Variants in ZFPM2 observed in about 807,000 individuals in gnomAD.
The protein encoded by ZFPM2 is zinc finger protein, FOG family member 2, also known as zinc finger protein ZFPM2.
ZFPM2 carries 20 observed loss-of-function variants against 98.6 expected under a neutral mutation model. That is an observed-to-expected ratio of 0.20 (90% CI 0.14 to 0.29). The LOEUF (loss-of-function observed/expected upper bound fraction) is 0.29, where lower values mean the gene tolerates loss of function less well. Ranked by LOEUF, ZFPM2 falls within the 10% of genes least tolerant of loss-of-function variation. The pLI, the probability that ZFPM2 is intolerant of heterozygous loss-of-function variation, is 1.00. For missense variants in ZFPM2, 1,310 were observed against 1,388.6 expected (o/e 0.94, Z 0.90); for synonymous variants, 518 against 502.7 (o/e 1.03, Z -0.41).
At chr8:105,372,306 T>TAATCAC (rs1810639810) in intron 1 of ZFPM2, among the ~76,000 whole-genome samples, 1 of 152,022 alleles carries the variant, frequency 6.6e-6, no homozygotes, top group Non-Finnish European at 1.5e-5. Flanking sequence ...CCTCCCAAAG[T>TAATCAC]GCTGGGATTA....
chr8:105,406,126 T>C (rs867936195), intron 1 of ZFPM2, among the ~76,000 whole-genome samples: 74 of 152,276 alleles, frequency 4.9e-4, no homozygotes, highest in Middle Eastern at 6.8e-3. Context: ...TTGATGGGGT[T>C]GTTTTTTTCT....
intron 3 of ZFPM2, among the ~76,000 whole-genome samples, chr8:105,463,707 G>A (rs1812744612): frequency 6.6e-6 from 1 of 152,066 alleles, no homozygotes; most frequent in Non-Finnish European, 1.5e-5. Flanking sequence ...GCTTCTTAAT[G>A]AGAGAATGTG....
intron 3 of ZFPM2, among the ~76,000 whole-genome samples, chr8:105,522,640 C>T (rs1214989384): frequency 6.6e-6 from 1 of 151,972 alleles, no homozygotes; most frequent in Non-Finnish European, 1.5e-5. Flanking sequence ...CATGGTGGTA[C>T]ACACCTGTAA....
chr8:105,492,577 G>A (rs1285984489), intron 3 of ZFPM2, among the ~76,000 whole-genome samples: 2 of 152,102 alleles, frequency 1.3e-5, no homozygotes, highest in East Asian at 1.9e-4. Context: ...TACAACAAAG[G>A]TAAGAAGTAT....
chr8:105,351,879 G>C (rs1812653843), intron 1 of ZFPM2, among the ~76,000 whole-genome samples: 1 of 151,956 alleles, frequency 6.6e-6, no homozygotes, highest in South Asian at 2.1e-4. Context: ...TTAATCAATG[G>C]AGAAATTATT....
intron 5 of ZFPM2, among the ~76,000 whole-genome samples, chr8:105,656,233 G>C (rs1386430656): frequency 6.6e-6 from 1 of 152,066 alleles, no homozygotes; most frequent in Non-Finnish European, 1.5e-5. Context: ...ACAAGCAAGT[G>C]ATGAAACCCT....
intron 4 of ZFPM2, chr8:105,616,679 T>C: frequency 2.6e-6 from 1 of 391,556 alleles, no homozygotes; most frequent in South Asian, 2.0e-5. Flanking sequence ...ATAATAATAA[T>C]AATAAGGTAA....
chr8:105,554,989 T>A (rs1426450238), intron 3 of ZFPM2, among the ~76,000 whole-genome samples: 2 of 152,150 alleles, frequency 1.3e-5, no homozygotes, highest in Admixed American at 1.3e-4. Context: ...TAAGTATTTC[T>A]CTCCACCAGT....
chr8:105,634,258 C>G lies in ZFPM2; in HGVS notation c.433C>G (p.Gln145Glu). The G allele has an allele frequency of 6.2e-7, 1 of 1,612,132 alleles. No homozygotes were observed. The highest frequency in any genetic ancestry group is 8.5e-7 in the Non-Finnish European group (1 of 1,179,072). ...LNNNSLKTKAQVPMVLTAGPK... is the reference protein window; with the variant it reads ...LNNNSLKTKAEVPMVLTAGPK... Reference sequence around the variant, plus strand: ...ATTCTTTCTACAGAAGACAAAGGCTCAGGTCCCAATGGTGCTGACTGCTGG... The same window carrying G: ...ATTCTTTCTACAGAAGACAAAGGCTGAGGTCCCAATGGTGCTGACTGCTGG... Residue 145 changes from glutamine to glutamate, a missense_variant, in exon 5 of 8, where the codon CAG becomes GAG. Physicochemically the swap from Gln to Glu is conservative, Grantham distance 29 (BLOSUM62 2). Coordinates refer to ENST00000407775, the MANE Select transcript of ZFPM2 (RefSeq NM_012082.4).
chr8:105,682,146 A>G (rs1394605879), intron 5 of ZFPM2, among the ~76,000 whole-genome samples: 1 of 152,224 alleles, frequency 6.6e-6, no homozygotes, highest in Non-Finnish European at 1.5e-5. Context: ...ATTACAAGCA[A>G]TGTGATTAAT....
At chr8:105,551,287 A>G (rs1423698974) in intron 3 of ZFPM2, among the ~76,000 whole-genome samples, 3 of 152,198 alleles carry the variant, frequency 2.0e-5, no homozygotes, top group Non-Finnish European at 4.4e-5. Flanking sequence ...TCACAGTTTC[A>G]TAACATATTT....
chr8:105,444,217 G>T (rs1563661600), intron 2 of ZFPM2, 63 bp from the exon 3 acceptor site: 1 of 1,250,104 alleles, frequency 8.0e-7, no homozygotes, highest in Non-Finnish European at 1.1e-6. Context: ...CTTTATGAGG[G>T]TGTGAATGTG....
intron 3 of ZFPM2, among the ~76,000 whole-genome samples, chr8:105,542,423 G>T (rs71522740): frequency 0.14 from 21,184 of 152,040 alleles, 1,621 homozygotes; most frequent in Non-Finnish European, 0.18. Context: ...TAGTTTAAGA[G>T]CTCTCAAGTG....
chr8:105,638,517 T>C (rs759247100), intron 5 of ZFPM2, among the ~76,000 whole-genome samples: 10 of 152,168 alleles, frequency 6.6e-5, no homozygotes, highest in Non-Finnish European at 1.2e-4. Context: ...AAACTACTTA[T>C]AAACTCAATG....
chr8:105,787,798 G>GT (rs1813463828), intron 5 of ZFPM2, among the ~76,000 whole-genome samples: 1 of 152,090 alleles, frequency 6.6e-6, no homozygotes, highest in South Asian at 2.1e-4. Flanking sequence ...AACTGTATAG[G>GT]ATACATATCT....
At chr8:105,529,133 T>C (rs1814239457) in intron 3 of ZFPM2, among the ~76,000 whole-genome samples, 1 of 152,132 alleles carries the variant, frequency 6.6e-6, no homozygotes, top group Admixed American at 6.6e-5. Context: ...TCTCCCTAGC[T>C]TGTAGATGGC....
chr8:105,802,815 A>C lies in ZFPM2; in HGVS notation c.2733A>C (p.Arg911Ser), dbSNP rs958450260. The C allele has an allele frequency of 2.5e-6, 4 of 1,613,548 alleles. No homozygotes were observed. The highest frequency in any genetic ancestry group is 3.3e-5 in the Admixed American group (2 of 59,952). Reference sequence around the variant, plus strand: ...ACAGCCCTGATGTCAGCTACGAAAGAAGCATAATAAAATGTGAGAAAAATG... The same window carrying C: ...ACAGCCCTGATGTCAGCTACGAAAGCAGCATAATAAAATGTGAGAAAAATG... The part of the protein sequence containing the change: ...ERNSPDVSYE[R>S]SIIKCEKNGN... Residue 911 changes from arginine to serine, a missense_variant, in exon 8 of 8, where the codon AGA (arginine) becomes AGC (serine). Arg to Ser is a moderately radical substitution (Grantham distance 110). Coordinates refer to ENST00000407775, the MANE Select transcript of ZFPM2 (RefSeq NM_012082.4).
At chr8:105,333,094 G>T (rs1425815738) in intron 1 of ZFPM2, among the ~76,000 whole-genome samples, 2 of 151,572 alleles carry the variant, frequency 1.3e-5, no homozygotes, top group East Asian at 3.9e-4. Context: ...AATGGAAGAG[G>T]ACAAAAAACA....
intron 4 of ZFPM2, among the ~76,000 whole-genome samples, chr8:105,620,428 A>T (rs914346986): frequency 6.6e-6 from 1 of 152,170 alleles, no homozygotes; most frequent in Non-Finnish European, 1.5e-5. Flanking sequence ...GATTCTGGAT[A>T]TTAGCCCTTT....
Sources: allele counts gnomAD v4.1 joint callset (sites outside exome capture counted in the v4.1 genomes callset), GRCh38; gene constraint gnomAD v4.1.1; transcripts MANE v1.5; gene names NCBI Gene and HGNC (gene_info 2026-07-23, HGNC 2026-07-21).